Variants in TMEM132D observed in about 807,000 individuals in gnomAD.
TMEM132D encodes the protein mature OL transmembrane protein.
TMEM132D carries 21 observed loss-of-function variants against 62.3 expected under a neutral mutation model. That is an observed-to-expected ratio of 0.34 (90% CI 0.24 to 0.49). The LOEUF is 0.49. Among genes scored for constraint, TMEM132D ranks in the 20% least tolerant of loss-of-function variants. The pLI, the probability that TMEM132D is intolerant of heterozygous loss-of-function variation, is 0.99. For synonymous variants in TMEM132D, 621 were observed against 575.6 expected (o/e 1.08, Z -1.13); for missense variants, 1,346 against 1,402.8 (o/e 0.96, Z 0.65).
At chr12:129,391,574 G>A (rs11060306) in intron 3 of TMEM132D, among the ~76,000 whole-genome samples, 6,114 of 152,170 alleles carry the variant, frequency 0.04, 531 homozygotes, top group East Asian at 0.36. Context: ...TTCTCCCCCC[G>A]CCCTGTGGAC....
At chr12:129,572,514 T>C (rs982675195) in intron 2 of TMEM132D, among the ~76,000 whole-genome samples, 2 of 152,142 alleles carry the variant, frequency 1.3e-5, no homozygotes, top group Non-Finnish European at 2.9e-5. Context: ...AGTGGCACAA[T>C]CTTGGCTCAC....
intron 2 of TMEM132D, among the ~76,000 whole-genome samples, chr12:129,621,355 G>A (rs938146724): frequency 7.2e-5 from 11 of 151,948 alleles, no homozygotes; most frequent in African/African-American, 1.5e-4. Context: ...ATGCTGCCAC[G>A]ATGCTCTCTG....
At chr12:129,592,835 C>G (rs1304257790) in intron 2 of TMEM132D, among the ~76,000 whole-genome samples, 2 of 150,538 alleles carry the variant, frequency 1.3e-5, no homozygotes, top group Non-Finnish European at 2.9e-5. Flanking sequence ...ACAAAGGACA[C>G]AGCTCCGAAG....
intron 4 of TMEM132D, among the ~76,000 whole-genome samples, chr12:129,259,880 G>T (rs1880508887): frequency 6.6e-6 from 1 of 152,192 alleles, no homozygotes; most frequent in Non-Finnish European, 1.5e-5. Flanking sequence ...ATGGGGCTGA[G>T]GTTGGCGCAA....
chr12:129,388,314 A>G (rs75072701), intron 3 of TMEM132D, among the ~76,000 whole-genome samples: 461 of 110,444 alleles, frequency 4.2e-3, no homozygotes, highest in East Asian at 0.023. Context: ...ACTAACATGA[A>G]TCCTAATATA....
At chr12:129,181,685 C>A (rs539108172) in intron 5 of TMEM132D, among the ~76,000 whole-genome samples, 22 of 152,270 alleles carry the variant, frequency 1.4e-4, no homozygotes, top group African/African-American at 5.3e-4. Flanking sequence ...TTTTCCCTAT[C>A]TGTCCTTGTG....
chr12:129,892,776 C>T (rs1874970823), intron 1 of TMEM132D, among the ~76,000 whole-genome samples: 1 of 152,192 alleles, frequency 6.6e-6, no homozygotes. Flanking sequence ...GAACCCTGGG[C>T]CATCCATGCC....
intron 3 of TMEM132D, among the ~76,000 whole-genome samples, chr12:129,361,894 G>A (rs763480754): frequency 3.3e-5 from 5 of 152,200 alleles, no homozygotes; most frequent in Non-Finnish European, 5.9e-5. Context: ...AACACGCGAT[G>A]TGCCTGACAA....
At chr12:129,406,597 GC>G (rs1871797448) in intron 3 of TMEM132D, among the ~76,000 whole-genome samples, 1 of 149,620 alleles carries the variant, frequency 6.7e-6, no homozygotes, top group African/African-American at 2.5e-5. Flanking sequence ...TCCAGCCTGG[GC>G]AACAGAGCGA....
rs2137226104 is a variant in TMEM132D, at chr12:129,700,111, G to A, written c.667C>T (p.Pro223Ser). ...TGCACGGTGTAGTAGAGCTCCACGG[G>A]GGTCCCCTCCGGCTGGTCCACGGAC... ...RKSVDQPEGT[P>S]VELYYTVHPG... The change falls in exon 2 of 9, where the codon CCC becomes TCC. Residue 223 changes from proline to serine, a missense_variant. By Grantham distance (74) the Pro-to-Ser change is moderately conservative (BLOSUM62 -1). Transcript: ENST00000422113. The A allele has an allele frequency of 1.2e-6, 2 of 1,613,376 alleles. No homozygotes were observed. The highest frequency in any genetic ancestry group is 1.7e-6 in the Non-Finnish European group (2 of 1,180,000).
At chr12:129,689,022 G>C (rs569071953) in intron 2 of TMEM132D, among the ~76,000 whole-genome samples, 1 of 152,260 alleles carries the variant, frequency 6.6e-6, no homozygotes, top group South Asian at 2.1e-4. Context: ...CAGTTAACAG[G>C]CATCTAGTAG....
At chr12:129,582,850 C>A (rs1374227592) in intron 2 of TMEM132D, among the ~76,000 whole-genome samples, 3 of 152,170 alleles carry the variant, frequency 2.0e-5, no homozygotes, top group African/African-American at 2.4e-5. Context: ...GTCTTGAATT[C>A]CTGACCTCAG....
intron 3 of TMEM132D, among the ~76,000 whole-genome samples, chr12:129,345,765 C>G (rs533763080): frequency 6.6e-6 from 1 of 152,258 alleles, no homozygotes; most frequent in East Asian, 1.9e-4. Context: ...GTTGAATCAG[C>G]CTTGCATCCT....
At chr12:129,612,911 A>T (rs1316793260) in intron 2 of TMEM132D, among the ~76,000 whole-genome samples, 1 of 152,182 alleles carries the variant, frequency 6.6e-6, no homozygotes, top group African/African-American at 2.4e-5. Context: ...TGTTGCCCAA[A>T]GGTTTTGTCA....
intron 3 of TMEM132D, among the ~76,000 whole-genome samples, chr12:129,460,017 T>G (rs1294208875): frequency 6.6e-6 from 1 of 152,332 alleles, no homozygotes; most frequent in Admixed American, 6.5e-5. Flanking sequence ...GTATAAAGTA[T>G]ACTATGACTG....
At chr12:129,383,903 C>G (rs1871027957) in intron 3 of TMEM132D, among the ~76,000 whole-genome samples, 2 of 152,190 alleles carry the variant, frequency 1.3e-5, no homozygotes. Context: ...CAGGTCATCC[C>G]TGGATAATTC....
At chr12:129,402,436 G>A (rs919967163) in intron 3 of TMEM132D, among the ~76,000 whole-genome samples, 2 of 152,122 alleles carry the variant, frequency 1.3e-5, no homozygotes, top group Non-Finnish European at 2.9e-5. Context: ...CCTCTGAAAA[G>A]GTGTCCAGTG....
intron 1 of TMEM132D, among the ~76,000 whole-genome samples, chr12:129,747,068 C>T (rs1869806722): frequency 1.4e-5 from 2 of 142,852 alleles, no homozygotes; most frequent in Admixed American, 1.4e-4. Context: ...AGAGGTCAAT[C>T]AGTTCGTGGA....
At chr12:129,793,812 C>T (rs183357048) in intron 1 of TMEM132D, among the ~76,000 whole-genome samples, 82 of 152,302 alleles carry the variant, frequency 5.4e-4, no homozygotes, top group Middle Eastern at 3.4e-3. Context: ...GTCACAAAAA[C>T]GGCACCTAGT....
Sources: allele counts gnomAD v4.1 joint callset (sites outside exome capture counted in the v4.1 genomes callset), GRCh38; gene constraint gnomAD v4.1.1; transcripts MANE v1.5; gene names NCBI Gene and HGNC (gene_info 2026-07-23, HGNC 2026-07-21).